The following CABCOCO1 variants were observed in gnomAD, a reference collection of about 807,000 sequenced individuals.
The protein encoded by CABCOCO1 is ciliary associated calcium binding coiled-coil 1.
In CABCOCO1, 28 loss-of-function variants were observed where a neutral mutation model predicts 35.7. That is an observed-to-expected ratio of 0.78 (90% CI 0.58 to 1.07). The LOEUF is 1.07. Ranked by LOEUF, CABCOCO1 falls within the 50% of genes least tolerant of loss-of-function variation. The probability of loss-of-function intolerance (pLI) is 0.00; values close to 1 mark genes in which losing one functional copy is unlikely to be tolerated. For synonymous variants in CABCOCO1, 95 were observed against 100.1 expected (o/e 0.95, Z 0.30); for missense variants, 326 against 309.2 (o/e 1.05, Z -0.41).
At chr10:61,703,937 C>A (rs185120566) in intron 5 of CABCOCO1, among the ~76,000 whole-genome samples, 10 of 152,178 alleles carry the variant, frequency 6.6e-5, no homozygotes, top group Admixed American at 6.5e-4. Flanking sequence ...AAAGGTCAGG[C>A]GCAGTGGCTC....
intron 5 of CABCOCO1, among the ~76,000 whole-genome samples, chr10:61,737,611 A>T (rs1445889908): frequency 1.3e-5 from 2 of 152,202 alleles, no homozygotes; most frequent in African/African-American, 4.8e-5. Context: ...ACACCATGGA[A>T]TATTATGCAG....
At chr10:61,718,781 T>C (rs961698844) in intron 5 of CABCOCO1, among the ~76,000 whole-genome samples, 1 of 152,196 alleles carries the variant, frequency 6.6e-6, no homozygotes, top group Non-Finnish European at 1.5e-5. Context: ...AAGGTATTAA[T>C]ATATATATTA....
At chr10:61,708,630 T>C (rs953500254) in intron 5 of CABCOCO1, among the ~76,000 whole-genome samples, 1 of 152,094 alleles carries the variant, frequency 6.6e-6, no homozygotes, top group Non-Finnish European at 1.5e-5. Flanking sequence ...GCTTCTTTCA[T>C]AGGGCATTAA....
At chr10:61,742,406 A>C (rs997309490) in intron 5 of CABCOCO1, among the ~76,000 whole-genome samples, 1 of 152,180 alleles carries the variant, frequency 6.6e-6, no homozygotes, top group Non-Finnish European at 1.5e-5. Flanking sequence ...TGCACGAACT[A>C]TATGCAAGAT....
intron 5 of CABCOCO1, among the ~76,000 whole-genome samples, chr10:61,756,065 C>T (rs867069060): frequency 1.3e-5 from 2 of 151,890 alleles, no homozygotes; most frequent in Admixed American, 1.3e-4. Flanking sequence ...ATGTAAATAA[C>T]GACCTTGATT....
At chr10:61,708,268 T>C in intron 5 of CABCOCO1, among the ~76,000 whole-genome samples, 1 of 151,624 alleles carries the variant, frequency 6.6e-6, no homozygotes, top group East Asian at 1.9e-4. Context: ...GTGGTTACTT[T>C]AAGGTGTACC....
intron 5 of CABCOCO1, among the ~76,000 whole-genome samples, chr10:61,734,787 C>T (rs554775342): frequency 1.3e-5 from 2 of 152,144 alleles, no homozygotes; most frequent in South Asian, 4.1e-4. Flanking sequence ...TGAGTGAGCT[C>T]ATCCAAACTA....
intron 5 of CABCOCO1, among the ~76,000 whole-genome samples, chr10:61,730,326 C>G (rs1029493915): frequency 6.6e-6 from 1 of 151,970 alleles, no homozygotes; most frequent in African/African-American, 2.4e-5. Context: ...AGGGACTCCT[C>G]CTAGCCAATG....
intron 5 of CABCOCO1, among the ~76,000 whole-genome samples, chr10:61,705,955 A>T (rs1047489232): frequency 2.0e-5 from 3 of 152,224 alleles, no homozygotes; most frequent in Admixed American, 6.5e-5. Flanking sequence ...GACAACCATG[A>T]ATGAAAGAGA....
intron 2 of CABCOCO1, among the ~76,000 whole-genome samples, chr10:61,675,857 AT>A (rs1839498424): frequency 6.6e-6 from 1 of 152,216 alleles, no homozygotes; most frequent in African/African-American, 2.4e-5. Context: ...TGGAAGACAA[AT>A]TTAAGAAAAC....
chr10:61,684,214 A>C (rs1839886597), intron 3 of CABCOCO1, among the ~76,000 whole-genome samples: 1 of 152,224 alleles, frequency 6.6e-6, no homozygotes, highest in Admixed American at 6.5e-5. Context: ...ATAAAAGATG[A>C]TCTGGAGGGA....
chr10:61,716,061 T>A (rs1322259305), intron 5 of CABCOCO1, among the ~76,000 whole-genome samples: 1 of 152,122 alleles, frequency 6.6e-6, no homozygotes. Context: ...TATTTTAAAA[T>A]ATTTTCCACA....
At chr10:61,743,527 C>T (rs147612647) in intron 5 of CABCOCO1, among the ~76,000 whole-genome samples, 10 of 152,166 alleles carry the variant, frequency 6.6e-5, no homozygotes, top group African/African-American at 1.4e-4. Context: ...ATCAATCAGC[C>T]GGTCATTTGT....
Position 61,766,099 on chromosome 10 carries a change from T to G in CABCOCO1, c.*86T>G. On this transcript the variant is annotated 3_prime_UTR_variant, in exon 8 of 8. Transcript: ENST00000648843. Reference sequence around the variant, plus strand: ...AACAGACTCTCTGGAGCGTCGTGTCTCCATCACTTAGTTGTGAAAGGAAAA... The same window carrying G: ...AACAGACTCTCTGGAGCGTCGTGTCGCCATCACTTAGTTGTGAAAGGAAAA... 1 of 1,215,730 alleles carries G rather than the reference T, an allele frequency of 8.2e-7. No individual in the cohort carries two copies. The highest frequency in any genetic ancestry group is 1.2e-6 in the Non-Finnish European group (1 of 858,434). 75.3% of individuals were successfully genotyped at this position (1,215,730 alleles called of 1,614,324 possible). A position where few individuals can be genotyped will look rare whatever the true frequency, so the allele number is the denominator to read the frequency against.
chr10:61,763,583 C>T (rs554139283), intron 7 of CABCOCO1, among the ~76,000 whole-genome samples: 9 of 151,998 alleles, frequency 5.9e-5, no homozygotes, highest in African/African-American at 2.2e-4. Context: ...AATATGAATG[C>T]TAACACTAAA....
intron 5 of CABCOCO1, among the ~76,000 whole-genome samples, chr10:61,712,498 C>T (rs1355637428): frequency 6.6e-6 from 1 of 152,160 alleles, no homozygotes; most frequent in Non-Finnish European, 1.5e-5. Context: ...TGCAGAAGCA[C>T]TTTAGTTTAA....
Position 61,701,165 on chromosome 10 carries a change from A to G in CABCOCO1, c.552+10544A>G, listed in dbSNP as rs553680953. Among the ~76,000 whole-genome samples, 10 of 152,250 alleles carry G rather than the reference A, an allele frequency of 6.6e-5. No homozygotes were observed. In the East Asian group the frequency reaches 1.9e-3, roughly 29 times the overall value. On this transcript the variant is annotated intron_variant, in intron 5 of 7. Transcript: ENST00000648843. ...TCTGAAATTATGTTTTGCAATCAGC[A>G]TGTATTATAGCATATATACATGTTC...
intron 2 of CABCOCO1, among the ~76,000 whole-genome samples, chr10:61,680,725 T>TTATA (rs1396531636): frequency 1.6e-5 from 2 of 127,626 alleles, no homozygotes; most frequent in African/African-American, 2.9e-5. Context: ...AACATATATA[T>TTATA]TATATATATA....
intron 5 of CABCOCO1, among the ~76,000 whole-genome samples, chr10:61,730,357 G>A (rs1828274645): frequency 6.6e-6 from 1 of 151,952 alleles, no homozygotes; most frequent in Admixed American, 6.6e-5. Flanking sequence ...AGTAAATTAT[G>A]ATAGGAACAA....
Sources: gnomAD v4.1 joint callset for allele counts (sites outside exome capture counted in the v4.1 genomes callset) on GRCh38, gnomAD v4.1.1 for gene constraint, MANE v1.5 for transcripts, NCBI Gene and HGNC (gene_info 2026-07-23, HGNC 2026-07-21) for gene names.